NAV2: variants seen among roughly 807,000 people sequenced by gnomAD.
NAV2 encodes neuron navigator 2, also known as helicase, APC down-regulated 1.
Under a neutral mutation model 223.2 loss-of-function variants are expected in NAV2, and 54 were observed. That is an observed-to-expected ratio of 0.24 (90% CI 0.19 to 0.30). The LOEUF is 0.30. Among genes scored for constraint, NAV2 ranks in the 10% least tolerant of loss-of-function variants. The probability of loss-of-function intolerance (pLI) is 1.00; values close to 1 mark genes in which losing one functional copy is unlikely to be tolerated. For missense variants in NAV2, 2,806 were observed against 3,147.5 expected (o/e 0.89, Z 2.60); for synonymous variants, 1,279 against 1,239.3 (o/e 1.03, Z -0.67).
chr11:19,478,995 G>A (rs558131585), intron 1 of NAV2, among the ~76,000 whole-genome samples: 126 of 152,272 alleles, frequency 8.3e-4, no homozygotes, highest in African/African-American at 2.8e-3. Flanking sequence ...TGATGTCGGC[G>A]GTCTGGGCAG....
chr11:19,430,910 G>A (rs1238894504), intron 1 of NAV2, among the ~76,000 whole-genome samples: 1 of 152,208 alleles, frequency 6.6e-6, no homozygotes, highest in Admixed American at 6.5e-5. Context: ...AGTAAGTGCT[G>A]CAAGTGTGTC....
intron 1 of NAV2, among the ~76,000 whole-genome samples, chr11:19,450,846 T>C (rs1198673623): frequency 3.3e-5 from 5 of 152,188 alleles, no homozygotes; most frequent in Non-Finnish European, 7.4e-5. Context: ...GACAGGCTTG[T>C]GCTTGGTGTT....
intron 6 of NAV2, among the ~76,000 whole-genome samples, chr11:19,901,341 G>A (rs572121119): frequency 6.6e-6 from 1 of 152,172 alleles, no homozygotes; most frequent in South Asian, 2.1e-4. Flanking sequence ...GAGGTCTGGA[G>A]TTTGAGACCA....
chr11:19,408,869 C>T (rs886413160), intron 1 of NAV2, among the ~76,000 whole-genome samples: 3 of 152,046 alleles, frequency 2.0e-5, no homozygotes, highest in South Asian at 2.1e-4. Flanking sequence ...CTCCTGCCCC[C>T]GAGAACTCGG....
intron 1 of NAV2, among the ~76,000 whole-genome samples, chr11:19,754,294 A>G (rs2054069717): frequency 6.6e-6 from 1 of 152,144 alleles, no homozygotes; most frequent in Non-Finnish European, 1.5e-5. Flanking sequence ...AATTAACTCC[A>G]GAAGGAATAA....
intron 7 of NAV2, among the ~76,000 whole-genome samples, chr11:19,936,378 T>C (rs1241229887): frequency 6.6e-6 from 1 of 152,230 alleles, no homozygotes; most frequent in African/African-American, 2.4e-5. Flanking sequence ...TGAAAGATTA[T>C]AAAAGATATA....
At chr11:19,678,660 TTG>T (rs1431729995) in intron 1 of NAV2, among the ~76,000 whole-genome samples, 57 of 152,192 alleles carry the variant, frequency 3.7e-4, no homozygotes, top group African/African-American at 1.3e-3. Context: ...AGGGTAGAAA[TTG>T]GCAGTGTCGA....
rs543613081 is a variant in NAV2 at position 19,484,018 on chromosome 11, C to T, written c.75+132991C>T. 7.2e-5 allele frequency among the ~76,000 whole-genome samples: 11 copies of T among 152,124 alleles called. No individual in the cohort carries two copies. The East Asian group carries it at 7.8e-4, about 11-fold the overall frequency. On this transcript the variant is annotated intron_variant, in intron 1 of 37. Transcript: ENST00000360655. ...ACAGACCACTGGGAGGTGTGCTCCG[C>T]GTGCCTTCTTGCTAATTAAAGTACT...
At position 19,842,802 on chromosome 11, in the gene NAV2, G is replaced by A. The variant is rs2060581757; in HGVS notation, c.386-69G>A. ...GCCTTAGGACTTGGTTGCCTCAAGT[G>A]TCCTGAACATCACTACTGAAAGTGT... On this transcript the variant is annotated intron_variant, in intron 2 of 37. Transcript: ENST00000349880. 5 of 1,510,018 alleles carry A rather than the reference G, an allele frequency of 3.3e-6. No homozygotes were observed. The African/African-American group carries it at 5.5e-5, about 17-fold the overall frequency. The allele number at this position is 1,510,018 out of a possible 1,614,324, so 93.5% of individuals were successfully genotyped here.
At chr11:19,507,208 A>G (rs2043147935) in intron 1 of NAV2, 1 of 152,182 alleles carries the variant, frequency 6.6e-6, no homozygotes, top group South Asian at 2.1e-4. Flanking sequence ...TTAAGTGCAA[A>G]TTTGGAATCT....
chr11:20,028,414 G>A (rs75607377), intron 11 of NAV2, among the ~76,000 whole-genome samples: 2,831 of 152,274 alleles, frequency 0.019, 89 homozygotes, highest in African/African-American at 0.065. Flanking sequence ...AGGTAGTAGA[G>A]AAACAGCTGA....
intron 11 of NAV2, among the ~76,000 whole-genome samples, chr11:20,029,705 G>A (rs560843762): frequency 5.3e-5 from 8 of 152,202 alleles, no homozygotes; most frequent in Admixed American, 2.6e-4. Flanking sequence ...AAAGCCCTTG[G>A]CTAAGGGTCT....
intron 5 of NAV2, chr11:19,884,406 C>A (rs757686411): frequency 1.3e-6 from 2 of 1,512,268 alleles, no homozygotes; most frequent in East Asian, 4.5e-5. Flanking sequence ...TTAATCCCAA[C>A]CCACTGTTCC....
rs1478310230 is a variant in NAV2 at position 20,045,002 on chromosome 11, A to T, written c.3234A>T (p.Gly1078=). 1.2e-6 allele frequency: 2 copies of T among 1,612,766 alleles called. No individual in the cohort carries two copies. The highest frequency in any genetic ancestry group is 1.7e-6 in the Non-Finnish European group (2 of 1,179,612). The change falls in exon 14 of 38, where the codon GGA becomes GGT. Residue 1078 remains glycine, a synonymous_variant. Transcript: ENST00000349880. ...ACGACGCAAAGGTGTCTGAGAAAGGAAGGCTTTCTCCTAAAGCCTCCCAGG... is the reference window on the plus strand; with the variant it reads ...ACGACGCAAAGGTGTCTGAGAAAGGTAGGCTTTCTCCTAAAGCCTCCCAGG... ...KTDDAKVSEK[G]RLSPKASQVK... is the part of the protein sequence containing the mutation.
At chr11:19,377,698 C>T (rs993046761) in intron 1 of NAV2, among the ~76,000 whole-genome samples, 2 of 145,200 alleles carry the variant, frequency 1.4e-5, no homozygotes, top group Non-Finnish European at 3.1e-5. Context: ...GAATCAAATA[C>T]GTTCATGCCC....
chr11:20,036,484 G>A (rs763247450), intron 12 of NAV2, among the ~76,000 whole-genome samples: 1 of 152,228 alleles, frequency 6.6e-6, no homozygotes. Flanking sequence ...CCAGGGGCAC[G>A]TGTCTAATCC....
At chr11:19,387,311 A>T (rs1456818698) in intron 1 of NAV2, among the ~76,000 whole-genome samples, 1 of 152,108 alleles carries the variant, frequency 6.6e-6, no homozygotes, top group East Asian at 1.9e-4. Context: ...TGTCTCTGAG[A>T]TTAGAGGATG....
chr11:19,409,069 G>T (rs925192852), intron 1 of NAV2, among the ~76,000 whole-genome samples: 1 of 152,168 alleles, frequency 6.6e-6, no homozygotes, highest in Non-Finnish European at 1.5e-5. Context: ...TCCTTAATGA[G>T]TATGTTAAGC....
intron 1 of NAV2, among the ~76,000 whole-genome samples, chr11:19,466,344 C>T (rs1214983554): frequency 6.6e-6 from 1 of 152,138 alleles, no homozygotes; most frequent in Non-Finnish European, 1.5e-5. Context: ...CGTGCCTGTC[C>T]CTGAGACGTG....
Sources: allele counts gnomAD v4.1 joint callset (sites outside exome capture counted in the v4.1 genomes callset), GRCh38; gene constraint gnomAD v4.1.1; transcripts MANE v1.5; gene names NCBI Gene and HGNC (gene_info 2026-07-23, HGNC 2026-07-21).